The following NHEJ1 variants were observed in gnomAD, a reference collection of about 807,000 sequenced individuals.
NHEJ1 encodes non-homologous end-joining factor 1.
In NHEJ1, 22 loss-of-function variants were observed where a neutral mutation model predicts 39.4. The ratio of observed to expected loss-of-function variants is 0.56; its 90% confidence interval spans 0.40 to 0.80. The LOEUF is 0.80. Among genes scored for constraint, NHEJ1 ranks in the 30% least tolerant of loss-of-function variants. The probability of loss-of-function intolerance (pLI) is 0.00; values close to 1 mark genes in which losing one functional copy is unlikely to be tolerated. For missense variants in NHEJ1, 329 were observed against 357.1 expected (o/e 0.92, Z 0.63); for synonymous variants, 154 against 135.6 (o/e 1.14, Z -0.94).
intron 5 of NHEJ1, among the ~76,000 whole-genome samples, chr2:219,134,938 G>A (rs1276335222): frequency 6.6e-6 from 1 of 151,694 alleles, no homozygotes; most frequent in Non-Finnish European, 1.5e-5. Flanking sequence ...TACTCGGGAT[G>A]CTGAGGCAGG....
chr2:219,120,362 T>C (rs1469778903), intron 5 of NHEJ1, among the ~76,000 whole-genome samples: 2 of 152,142 alleles, frequency 1.3e-5, no homozygotes, highest in African/African-American at 4.8e-5. Context: ...CAATTTCTCA[T>C]TCATCTTAAA....
chr2:219,138,053 T>C (rs1286886137), intron 5 of NHEJ1, among the ~76,000 whole-genome samples: 1 of 152,142 alleles, frequency 6.6e-6, no homozygotes, highest in Non-Finnish European at 1.5e-5. Flanking sequence ...TCTAGACTTA[T>C]CCTTTTTTAC....
At chr2:219,146,818 G>A in intron 4 of NHEJ1, 80 bp from the exon 5 acceptor site, 2 of 1,077,844 alleles carry the variant, frequency 1.9e-6, no homozygotes, top group Non-Finnish European at 1.4e-6. Flanking sequence ...GAACAGAACA[G>A]GGCTACTTAG....
intron 5 of NHEJ1, among the ~76,000 whole-genome samples, chr2:219,088,991 T>C (rs1949136702): frequency 2.0e-5 from 3 of 152,150 alleles, no homozygotes; most frequent in African/African-American, 7.2e-5. Flanking sequence ...TTTTTCTTTT[T>C]GTATTTTTTA....
chr2:219,112,933 T>C (rs1949379129), intron 5 of NHEJ1, among the ~76,000 whole-genome samples: 1 of 152,146 alleles, frequency 6.6e-6, no homozygotes, highest in Non-Finnish European at 1.5e-5. Flanking sequence ...TGAAAGTATT[T>C]CCAGTAAAAA....
chr2:219,158,494 C>T (rs1355132783), intron 1 of NHEJ1, 132 bp from the exon 2 acceptor site: 22 of 830,180 alleles, frequency 2.7e-5, no homozygotes, highest in South Asian at 1.4e-4. Flanking sequence ...CATGGATTTA[C>T]GTTCTCCCAG....
At chr2:219,108,901 A>C (rs1949338168) in intron 5 of NHEJ1, among the ~76,000 whole-genome samples, 1 of 152,248 alleles carries the variant, frequency 6.6e-6, no homozygotes, top group African/African-American at 2.4e-5. Flanking sequence ...CCTGTGCTAC[A>C]GTGGGGAAAC....
chr2:219,120,600 A>T (rs777803626), intron 5 of NHEJ1, among the ~76,000 whole-genome samples: 2 of 152,192 alleles, frequency 1.3e-5, no homozygotes, highest in Non-Finnish European at 2.9e-5. Flanking sequence ...CTCAGACCTC[A>T]AGATTTACAG....
intron 5 of NHEJ1, among the ~76,000 whole-genome samples, chr2:219,140,553 T>C (rs754282441): frequency 5.9e-5 from 9 of 152,196 alleles, no homozygotes; most frequent in East Asian, 1.9e-4. Context: ...TGATGGACTT[T>C]GGCTGTAGGA....
rs140998895 is a variant in NHEJ1, at chr2:219,138,166, G to C, written c.588+8514C>G. Among the ~76,000 whole-genome samples, 62 of 152,272 alleles carry C rather than the reference G, an allele frequency of 4.1e-4. No homozygotes were observed. The East Asian group carries it at 7.9e-3, about 19-fold the overall frequency. Reference sequence around the variant, plus strand: ...TAAAAGGGTAGCCCTTCTAACTGTGGAAGTGGAGCCCTTGTGACTCTAAGA... The same window carrying C: ...TAAAAGGGTAGCCCTTCTAACTGTGCAAGTGGAGCCCTTGTGACTCTAAGA... On this transcript the variant is annotated intron_variant, in intron 5 of 7. Transcript: ENST00000356853.
intron 3 of NHEJ1, among the ~76,000 whole-genome samples, chr2:219,150,359 C>G (rs765549538): frequency 6.6e-6 from 1 of 152,178 alleles, no homozygotes; most frequent in Non-Finnish European, 1.5e-5. Context: ...CTAGAGTCTT[C>G]CTTCTACCAC....
chr2:219,082,485 C>G (rs142444992), intron 5 of NHEJ1, among the ~76,000 whole-genome samples: 21 of 152,328 alleles, frequency 1.4e-4, no homozygotes, highest in Non-Finnish European at 2.5e-4. Context: ...AATACGTAAT[C>G]TGCCTCTCCT....
intron 4 of NHEJ1, among the ~76,000 whole-genome samples, chr2:219,147,365 C>T (rs1032701566): frequency 3.3e-5 from 5 of 152,110 alleles, no homozygotes; most frequent in African/African-American, 9.7e-5. Context: ...GTCTACAATC[C>T]CAGCTACTCG....
intron 5 of NHEJ1, chr2:219,102,364 G>A (rs1205015883): frequency 1.3e-5 from 2 of 152,132 alleles, no homozygotes; most frequent in African/African-American, 4.8e-5. Context: ...TTGTTTTAAT[G>A]TGAACTCTTT....
At chr2:219,119,821 C>T (rs1949454524) in intron 5 of NHEJ1, among the ~76,000 whole-genome samples, 1 of 152,164 alleles carries the variant, frequency 6.6e-6, no homozygotes, top group Admixed American at 6.5e-5. Flanking sequence ...CTCCTGTTTC[C>T]TTGGACCCTA....
chr2:219,091,400 G>A (rs1241645791), intron 5 of NHEJ1, among the ~76,000 whole-genome samples: 3 of 152,058 alleles, frequency 2.0e-5, no homozygotes, highest in African/African-American at 7.2e-5. Flanking sequence ...CTAAGGGCAA[G>A]CATGGTCGGT....
chr2:219,109,051 A>C (rs1949339243), intron 5 of NHEJ1, among the ~76,000 whole-genome samples: 1 of 152,236 alleles, frequency 6.6e-6, no homozygotes, highest in Non-Finnish European at 1.5e-5. Context: ...AGAGACTTAG[A>C]ATAAGAGTGA....
intron 5 of NHEJ1, among the ~76,000 whole-genome samples, chr2:219,123,694 G>A (rs968001188): frequency 4.6e-5 from 7 of 151,798 alleles, no homozygotes; most frequent in East Asian, 1.9e-4. Flanking sequence ...AGAAAAGTGC[G>A]TCTTTACTCC....
intron 5 of NHEJ1, among the ~76,000 whole-genome samples, chr2:219,100,953 TC>T (rs1453921378): frequency 1.3e-5 from 2 of 151,938 alleles, no homozygotes; most frequent in East Asian, 1.9e-4. Context: ...TTAACTCCAA[TC>T]CCCCCCTCAG....
Sources: gnomAD v4.1 joint callset for allele counts (sites outside exome capture counted in the v4.1 genomes callset) on GRCh38, gnomAD v4.1.1 for gene constraint, MANE v1.5 for transcripts, NCBI Gene and HGNC (gene_info 2026-07-23, HGNC 2026-07-21) for gene names.